The following CCDC171 variants were observed in gnomAD, a reference collection of about 807,000 sequenced individuals.
The protein encoded by CCDC171 is coiled-coil domain-containing protein 171.
Under a neutral mutation model 168.2 loss-of-function variants are expected in CCDC171, and 177 were observed. The ratio of observed to expected loss-of-function variants is 1.05; its 90% CI spans 0.93 to 1.19. The LOEUF is 1.19. CCDC171 is among the 50% of genes most tolerant of loss of function. The probability of loss-of-function intolerance (pLI) is 0.00; values close to 1 mark genes in which losing one functional copy is unlikely to be tolerated. For synonymous variants in CCDC171, 687 were observed against 540.8 expected, an observed-to-expected ratio of 1.27 and a Z score of -3.75; for missense variants, 1,991 against 1,539.0, an observed-to-expected ratio of 1.29 and a Z score of -4.91.
At chr9:15,717,993 A>G (rs965233855) in intron 11 of CCDC171, among the ~76,000 whole-genome samples, 1 of 152,128 alleles carries the variant, frequency 6.6e-6, no homozygotes, top group Non-Finnish European at 1.5e-5. Flanking sequence ...CAGCTAAGTT[A>G]GCTTGGCCAC....
chr9:15,902,209 A>G (rs566102702), intron 24 of CCDC171, among the ~76,000 whole-genome samples: 2 of 151,180 alleles, frequency 1.3e-5, no homozygotes, highest in Admixed American at 1.3e-4. Context: ...AGAATTATGG[A>G]CTTTTTTTCT....
intron 12 of CCDC171, among the ~76,000 whole-genome samples, chr9:15,722,693 G>A (rs1416239461): frequency 1.3e-5 from 2 of 152,084 alleles, no homozygotes; most frequent in African/African-American, 2.4e-5. Context: ...CCATAAAACG[G>A]TTACATTTCA....
At position 15,560,020 on chromosome 9, in the gene CCDC171, G is replaced by A. The variant is rs191306200; in HGVS notation, c.-111-3958G>A. On this transcript the variant is annotated intron_variant, in intron 1 of 25. Transcript: ENST00000380701. Reference sequence around the variant, plus strand: ...TAGTTTGGCTGGATATGAAATTCTGGGTTGAAAATTCTTTTCTTTAAGAAT... The same window carrying A: ...TAGTTTGGCTGGATATGAAATTCTGAGTTGAAAATTCTTTTCTTTAAGAAT... Among the ~76,000 whole-genome samples, 942 of 152,192 alleles carry A rather than the reference G, an allele frequency of 6.2e-3. 8 individuals are homozygous for A. The highest frequency in any genetic ancestry group is 0.022 in the African/African-American group (916 of 41,520).
rs149904867 is a variant in CCDC171, at chr9:15,673,760, A to T, written c.1077-4998A>T. On this transcript the variant is annotated intron_variant, in intron 9 of 25. Coordinates refer to ENST00000380701, the MANE Select transcript of CCDC171 (RefSeq NM_173550.4). Reference sequence around the variant, plus strand: ...CTGGATTCAGTTTGCCAGTATTTTAATGAGGATTTTCGCATCGATGTTCGT... The same window carrying T: ...CTGGATTCAGTTTGCCAGTATTTTATTGAGGATTTTCGCATCGATGTTCGT... Among the ~76,000 whole-genome samples the T allele has an allele frequency of 6.1e-3, 934 of 152,224 alleles. 12 individuals carry two copies. The highest frequency in any genetic ancestry group is 0.021 in the African/African-American group (873 of 41,558).
intron 16 of CCDC171, among the ~76,000 whole-genome samples, chr9:15,740,745 T>C (rs993549606): frequency 2.0e-4 from 31 of 152,282 alleles, no homozygotes; most frequent in African/African-American, 7.5e-4. Flanking sequence ...CGGCCTTAAT[T>C]AGAGGTTTTG....
chr9:15,856,704 T>C lies in CCDC171; in HGVS notation c.3468+7757T>C, dbSNP rs1239187028. ...ATTTCTTAGAGATTCTTATTGCCCT[T>C]CTTTTAGATAAATACCCAGAAGTGG... On this transcript the variant is annotated intron_variant, in intron 23 of 25. Coordinates refer to ENST00000380701, the MANE Select transcript of CCDC171 (RefSeq NM_173550.4). 2.0e-5 allele frequency among the ~76,000 whole-genome samples: 3 copies of C among 152,050 alleles called. No homozygotes were observed. The East Asian group carries it at 5.8e-4, about 29-fold the overall frequency.
At chr9:15,567,598 T>C (rs2039854208) in intron 2 of CCDC171, among the ~76,000 whole-genome samples, 1 of 152,234 alleles carries the variant, frequency 6.6e-6, no homozygotes, top group African/African-American at 2.4e-5. Context: ...TCTTTCCACT[T>C]GTTTAGCTTT....
At chr9:15,953,963 A>G (rs1426946686) in intron 25 of CCDC171, among the ~76,000 whole-genome samples, 1 of 151,954 alleles carries the variant, frequency 6.6e-6, no homozygotes, top group Non-Finnish European at 1.5e-5. Flanking sequence ...TGTCGGTACA[A>G]TTGTTCATAG....
chr9:15,919,985 C>G (rs531687677), intron 24 of CCDC171, among the ~76,000 whole-genome samples: 2 of 151,732 alleles, frequency 1.3e-5, no homozygotes, highest in South Asian at 2.1e-4. Context: ...CAGAAAATAA[C>G]TGTGCCATCT....
In CCDC171 at chr9:15,744,607, A is replaced by G. The variant is rs558453403; in HGVS notation, c.2384A>G (p.Lys795Arg). The change falls in exon 17 of 26, where the codon AAA becomes AGA. Residue 795 changes from lysine (K) to arginine (R), a missense_variant. Transcript: ENST00000380701. The part of the protein sequence containing the change: ...EEAKMKKKTF[K>R]GLIRIFRKGV... ...GCCAAGATGAAAAAGAAAACATTCA[A>G]AGGATTGATACGTATATTTCGGAAA... is the stretch of plus-strand genomic sequence containing the variant. The G allele has an allele frequency of 1.2e-6, 2 of 1,614,176 alleles. No individual in the cohort carries two copies. The highest frequency in any genetic ancestry group is 1.1e-5 in the South Asian group (1 of 91,088).
chr9:15,983,795 G>A (rs2132877935), intron 3 of CCDC171, among the ~76,000 whole-genome samples: 1 of 131,082 alleles, frequency 7.6e-6, no homozygotes, highest in East Asian at 2.4e-4. Context: ...CCAAGGTAGG[G>A]AGGCAAGAGC....
At chr9:16,082,335 T>G in the CCDC171 span, among the ~76,000 whole-genome samples, 1 of 152,238 alleles carries the variant, frequency 6.6e-6, no homozygotes, top group Non-Finnish European at 1.5e-5. Context: ...CCAAATGGGT[T>G]TGATGCAGAA....
At chr9:15,662,048 G>A (rs2048358796) in intron 8 of CCDC171, among the ~76,000 whole-genome samples, 1 of 152,180 alleles carries the variant, frequency 6.6e-6, no homozygotes, top group African/African-American at 2.4e-5. Flanking sequence ...AGGCTGAGGT[G>A]GGCAGATCAC....
At chr9:15,626,737 T>G (rs2045153955) in intron 7 of CCDC171, among the ~76,000 whole-genome samples, 1 of 152,224 alleles carries the variant, frequency 6.6e-6, no homozygotes, top group Non-Finnish European at 1.5e-5. Flanking sequence ...TGAGGATTTT[T>G]GCATCAATGT....
chr9:15,698,594 C>A (rs568095194), intron 11 of CCDC171, among the ~76,000 whole-genome samples: 4 of 151,520 alleles, frequency 2.6e-5, no homozygotes, highest in Admixed American at 2.6e-4. Context: ...AACATAATGA[C>A]CTCCAGTTTT....
At chr9:15,780,909 A>G (rs1025216858) in intron 20 of CCDC171, among the ~76,000 whole-genome samples, 10 of 152,148 alleles carry the variant, frequency 6.6e-5, no homozygotes, top group African/African-American at 2.4e-4. Flanking sequence ...AGAGATGTTT[A>G]TACTTTTAAA....
rs540034762 is a variant in CCDC171, at chr9:16,046,048, T to A, written n.89+3162T>A. On this transcript the variant is annotated intron_variant and non_coding_transcript_variant, in intron 1 of 1. Coordinates refer to the CCDC171 transcript ENST00000478913. Reference sequence around the variant, plus strand: ...TGACAGAAGTCTTATTAACCTATTTTACACACTGGTTAGGTCACTCCCATA... The same window carrying A: ...TGACAGAAGTCTTATTAACCTATTTAACACACTGGTTAGGTCACTCCCATA... Among the ~76,000 whole-genome samples, 14 of 152,356 alleles carry A rather than the reference T, an allele frequency of 9.2e-5. No homozygotes were observed. The South Asian group carries it at 2.7e-3, about 29-fold the overall frequency.
the CCDC171 span, among the ~76,000 whole-genome samples, chr9:16,089,620 T>A: frequency 6.6e-6 from 1 of 152,148 alleles, no homozygotes; most frequent in African/African-American, 2.4e-5. Context: ...CCCAACACCA[T>A]TTATTAAATA....
chr9:15,885,631 T>C (rs1819297164), intron 24 of CCDC171: 1 of 152,228 alleles, frequency 6.6e-6, no homozygotes. Flanking sequence ...TGATTTCATT[T>C]GCTGTCAGTT....
Sources: gnomAD v4.1 joint callset for allele counts (sites outside exome capture counted in the v4.1 genomes callset) on GRCh38, gnomAD v4.1.1 for gene constraint, MANE v1.5 for transcripts, NCBI Gene and HGNC (gene_info 2026-07-23, HGNC 2026-07-21) for gene names.